The following FAT3 variants were observed in gnomAD, a reference collection of about 807,000 sequenced individuals.
The protein encoded by FAT3 is FAT atypical cadherin 3.
Under a neutral mutation model 310.2 loss-of-function variants are expected in FAT3, and 95 were observed. The observed-to-expected ratio is 0.31, with a 90% CI of 0.26 to 0.36. FAT3 has a LOEUF of 0.36. Among genes scored for constraint, FAT3 ranks in the 10% least tolerant of loss-of-function variants. The pLI is 1.00. For synonymous variants in FAT3, 2,314 were observed against 2,192.9 expected (o/e 1.06, Z -1.54); for missense variants, 5,408 against 5,715.6 (o/e 0.95, Z 1.74).
chr11:92,391,681 G>C (rs188963574), intron 2 of FAT3, among the ~76,000 whole-genome samples: 4 of 152,268 alleles, frequency 2.6e-5, no homozygotes, highest in Non-Finnish European at 5.9e-5. Flanking sequence ...TTCAGTTAAT[G>C]ACAAATGTGG....
chr11:92,620,049 T>G (rs1180684046), intron 3 of FAT3, among the ~76,000 whole-genome samples: 1 of 152,202 alleles, frequency 6.6e-6, no homozygotes, highest in East Asian at 1.9e-4. Context: ...TGTTATGCTT[T>G]TATTTTCATT....
chr11:92,895,110 C>T lies in FAT3; in HGVS notation c.*3997C>T, dbSNP rs371709277. On this transcript the variant is annotated 3_prime_UTR_variant, in exon 28 of 28. Coordinates refer to ENST00000525166, the MANE Select transcript of FAT3 (RefSeq NM_001367949.2). ...TGTCCAGATAATTGGCTCTTCACTC[C>T]GCTGCCTTCCCAGTGCACAGGTATT... 5 of 152,208 alleles carry T rather than the reference C, an allele frequency of 3.3e-5. No individual in the cohort carries two copies. Among genetic ancestry groups the T allele is most frequent in the Non-Finnish European group, 2.9e-5 (2 of 68,046 alleles). 9.4% of individuals were successfully genotyped at this position (152,208 alleles called of 1,614,324 possible).
chr11:92,464,322 G>A (rs2135121835), intron 2 of FAT3, among the ~76,000 whole-genome samples: 1 of 152,228 alleles, frequency 6.6e-6, no homozygotes, highest in South Asian at 2.1e-4. Flanking sequence ...TCCCTCTGGG[G>A]GCCCACAGAG....
chr11:92,612,543 A>T (rs1174467698), intron 3 of FAT3, among the ~76,000 whole-genome samples: 1 of 152,190 alleles, frequency 6.6e-6, no homozygotes, highest in African/African-American at 2.4e-5. Context: ...ACCATTTTTT[A>T]AAATGTGGGG....
At chr11:92,476,834 A>AT (rs895722305) in intron 2 of FAT3, among the ~76,000 whole-genome samples, 29 of 152,130 alleles carry the variant, frequency 1.9e-4, no homozygotes, top group East Asian at 1.2e-3. Context: ...AATTAACCAC[A>AT]TTTTTTCTGG....
At chr11:92,369,327 G>A (rs952035938) in intron 2 of FAT3, among the ~76,000 whole-genome samples, 1 of 152,164 alleles carries the variant, frequency 6.6e-6, no homozygotes, top group Non-Finnish European at 1.5e-5. Flanking sequence ...GTTATTGCAG[G>A]AAGTGTTTGA....
chr11:92,777,873 T>G, intron 7 of FAT3, among the ~76,000 whole-genome samples: 1 of 152,032 alleles, frequency 6.6e-6, no homozygotes, highest in Non-Finnish European at 1.5e-5. Context: ...CTGCTGCTAT[T>G]ATTATTATTC....
chr11:92,332,622 G>A (rs1200778955), intron 1 of FAT3, among the ~76,000 whole-genome samples: 1 of 152,074 alleles, frequency 6.6e-6, no homozygotes, highest in Non-Finnish European at 1.5e-5. Flanking sequence ...AAAAACCCAT[G>A]ACTGTATTCT....
chr11:92,469,813 C>CAATAGTAAGTTTTATCAGAG (rs1951863003), intron 2 of FAT3, among the ~76,000 whole-genome samples: 1 of 151,952 alleles, frequency 6.6e-6, no homozygotes. Flanking sequence ...CCGCACCTGG[C>CAATAGTAAGTTTTATCAGAG]CTAATTTGTG....
intron 3 of FAT3, among the ~76,000 whole-genome samples, chr11:92,550,996 G>A (rs1954795239): frequency 6.6e-6 from 1 of 151,752 alleles, no homozygotes; most frequent in Admixed American, 6.6e-5. Flanking sequence ...ACCATCCTCA[G>A]TCTTTAAGCA....
chr11:92,862,829 G>A (rs999744625), intron 21 of FAT3, among the ~76,000 whole-genome samples: 2 of 152,142 alleles, frequency 1.3e-5, no homozygotes, highest in African/African-American at 2.4e-5. Flanking sequence ...CTTGCATGTA[G>A]GTATGAGTGT....
rs187741044 is a variant in FAT3, at chr11:92,464,495, C to G, written c.3293-60139C>G. ...CAGACCCACATTCTGCTCCCATTAG[C>G]AGGGTTTTCTTCAGCCTGAGGGAAG... is the stretch of plus-strand genomic sequence containing the variant. On this transcript the variant is annotated intron_variant, in intron 2 of 27. Coordinates refer to ENST00000525166, the MANE Select transcript of FAT3 (RefSeq NM_001367949.2). Among the ~76,000 whole-genome samples the G allele has an allele frequency of 1.5e-3, 227 of 152,302 alleles. 1 individual carries two copies. The highest frequency in any genetic ancestry group is 2.7e-3 in the Non-Finnish European group (182 of 68,024).
intron 8 of FAT3, 138 bp downstream of exon 8, chr11:92,790,356 A>AT: frequency 9.8e-7 from 1 of 1,025,326 alleles, no homozygotes; most frequent in South Asian, 1.8e-5. Context: ...GATTGCATTC[A>AT]TTTTTGCCTT....
chr11:92,877,626 G>C (rs1013408483), intron 22 of FAT3, among the ~76,000 whole-genome samples: 1 of 152,144 alleles, frequency 6.6e-6, no homozygotes, highest in South Asian at 2.1e-4. Flanking sequence ...CCATGACAAA[G>C]CTACTGACTC....
chr11:92,883,423 C>T lies in FAT3; in HGVS notation c.12937+30C>T, dbSNP rs535451751. ...GTAGGAAGTGGTAATGCTCACCCCT[C>T]GGTGCTTACAGGGAACCTGCAGGGG... is the stretch of plus-strand genomic sequence containing the variant. On this transcript the variant is annotated intron_variant, in intron 24 of 27. Transcript: ENST00000525166. The surrounding 1 kb of genome is among the most constrained non-coding windows in gnomAD (Gnocchi z 4.2). 2.5e-6 allele frequency: 4 copies of T among 1,570,292 alleles called. No individual in the cohort carries two copies. Among genetic ancestry groups the T allele is most frequent in the Admixed American group, 3.5e-5 (2 of 57,538 alleles).
chr11:92,817,919 A>C (rs1201159155), intron 13 of FAT3, among the ~76,000 whole-genome samples: 3 of 152,170 alleles, frequency 2.0e-5, no homozygotes, highest in East Asian at 3.9e-4. Flanking sequence ...AAAAGCTTGG[A>C]GGTGACAAAA....
chr11:92,688,240 C>T (rs1013007020), intron 3 of FAT3, among the ~76,000 whole-genome samples: 2 of 151,990 alleles, frequency 1.3e-5, no homozygotes, highest in Non-Finnish European at 2.9e-5. Flanking sequence ...TCAAAACAAA[C>T]ATGGTAACCA....
chr11:92,489,870 G>A (rs891438136), intron 2 of FAT3, among the ~76,000 whole-genome samples: 3 of 150,654 alleles, frequency 2.0e-5, no homozygotes, highest in East Asian at 1.9e-4. Flanking sequence ...ATGAGTTTTC[G>A]TAGTTTTTTT....
chr11:92,625,245 T>C (rs1346841051), intron 3 of FAT3, among the ~76,000 whole-genome samples: 1 of 152,182 alleles, frequency 6.6e-6, no homozygotes, highest in African/African-American at 2.4e-5. Context: ...CTTGCTTTTG[T>C]GACTTTTATG....
Sources: allele counts gnomAD v4.1 joint callset (sites outside exome capture counted in the v4.1 genomes callset), GRCh38; gene constraint gnomAD v4.1.1; non-coding constraint Gnocchi (gnomAD v3.1); transcripts MANE v1.5; gene names NCBI Gene and HGNC (gene_info 2026-07-23, HGNC 2026-07-21).